HDAC9: variants seen among roughly 807,000 people sequenced by gnomAD.
HDAC9 encodes histone deacetylase 9.
HDAC9 carries 41 observed loss-of-function variants against 139.4 expected under a neutral mutation model. That is an observed-to-expected ratio of 0.29 (90% CI 0.23 to 0.38). The LOEUF is 0.38. Ranked by LOEUF, HDAC9 falls within the 10% of genes least tolerant of loss-of-function variation. The pLI, the probability that HDAC9 is intolerant of heterozygous loss-of-function variation, is 1.00. For synonymous variants in HDAC9, 517 were observed against 476.2 expected (o/e 1.09, Z -1.12); for missense variants, 1,147 against 1,297.0 (o/e 0.88, Z 1.78).
At chr7:18,779,836 A>T in intron 16 of HDAC9, among the ~76,000 whole-genome samples, 1 of 152,010 alleles carries the variant, frequency 6.6e-6, no homozygotes, top group East Asian at 1.9e-4. Context: ...TGCAACCCTG[A>T]GGTCTCCACC....
At chr7:18,593,450 T>C (rs1184320806) in intron 5 of HDAC9, among the ~76,000 whole-genome samples, 1 of 152,102 alleles carries the variant, frequency 6.6e-6, no homozygotes, top group Non-Finnish European at 1.5e-5. Flanking sequence ...AATCCTGTCT[T>C]TTCAGTAAAA....
intron 16 of HDAC9, among the ~76,000 whole-genome samples, chr7:18,782,291 T>C (rs1011858462): frequency 6.6e-6 from 1 of 152,068 alleles, no homozygotes; most frequent in African/African-American, 2.4e-5. Context: ...ATGGGCACAA[T>C]AGTATTATAT....
chr7:18,811,195 A>G (rs1794146448), intron 17 of HDAC9, among the ~76,000 whole-genome samples: 1 of 151,732 alleles, frequency 6.6e-6, no homozygotes, highest in South Asian at 2.1e-4. Context: ...ATCTTCTACC[A>G]GCCTTTAGTT....
intron 2 of HDAC9, among the ~76,000 whole-genome samples, chr7:18,581,809 A>G (rs879333497): frequency 3.9e-5 from 6 of 152,204 alleles, no homozygotes; most frequent in Admixed American, 3.9e-4. Flanking sequence ...CAATTAAGAG[A>G]TCTTACAGGC....
intron 12 of HDAC9, among the ~76,000 whole-genome samples, chr7:18,706,311 C>T (rs919400646): frequency 7.2e-5 from 11 of 151,862 alleles, no homozygotes; most frequent in African/African-American, 2.4e-4. Context: ...ATTGTAAGCA[C>T]CCTGAGGTTA....
chr7:18,141,716 C>T lies in HDAC9; in HGVS notation c.-96-20513C>T, dbSNP rs184720946. Among the ~76,000 whole-genome samples the T allele has an allele frequency of 3.1e-3, 467 of 152,186 alleles. 1 individual carries two copies. The highest frequency in any genetic ancestry group is 7.1e-3 in the Admixed American group (108 of 15,282). On this transcript the variant is annotated intron_variant, in intron 1 of 12. Coordinates refer to the HDAC9 transcript ENST00000417496. ...TTTTTTTAACCTCTTTTCATTTCCA[C>T]ATGTCTGTTATTCTTAGTGACTTGT...
chr7:18,800,852 T>C (rs955308352), intron 17 of HDAC9, among the ~76,000 whole-genome samples: 98 of 151,982 alleles, frequency 6.4e-4, no homozygotes, highest in African/African-American at 2.3e-3. Context: ...ATAATAATAA[T>C]AATAATTTCT....
chr7:18,445,470 T>G (rs961486516), intron 1 of HDAC9, among the ~76,000 whole-genome samples: 1 of 152,254 alleles, frequency 6.6e-6, no homozygotes, highest in Admixed American at 6.5e-5. Flanking sequence ...GTCAAAGTAC[T>G]CAAAATTTAA....
chr7:18,195,641 C>T (rs757298248), intron 2 of HDAC9, among the ~76,000 whole-genome samples: 3 of 152,160 alleles, frequency 2.0e-5, no homozygotes, highest in Non-Finnish European at 4.4e-5. Context: ...CATGCTTCAG[C>T]CGGGCCTGCT....
chr7:18,451,052 G>A (rs1792768369), intron 1 of HDAC9, among the ~76,000 whole-genome samples: 1 of 152,132 alleles, frequency 6.6e-6, no homozygotes, highest in South Asian at 2.1e-4. Context: ...AGTCACCATT[G>A]TGGTGGTATT....
intron 1 of HDAC9, among the ~76,000 whole-genome samples, chr7:18,338,167 G>A (rs1585242395): frequency 6.6e-6 from 1 of 151,700 alleles, no homozygotes; most frequent in African/African-American, 2.4e-5. Flanking sequence ...GAAATAGAAT[G>A]TGCACAGGCT....
At chr7:18,484,020 C>T (rs1012798971) in intron 1 of HDAC9, among the ~76,000 whole-genome samples, 1 of 151,824 alleles carries the variant, frequency 6.6e-6, no homozygotes, top group Non-Finnish European at 1.5e-5. Context: ...AAAAAGGGTA[C>T]TTTAGTTTTA....
chr7:18,179,663 A>G (rs914741338), intron 2 of HDAC9, among the ~76,000 whole-genome samples: 5 of 152,210 alleles, frequency 3.3e-5, no homozygotes, highest in Admixed American at 2.6e-4. Flanking sequence ...CTGTTTATCT[A>G]TTAATGAGAA....
intron 2 of HDAC9, among the ~76,000 whole-genome samples, chr7:18,209,161 T>G (rs1326341767): frequency 6.6e-6 from 1 of 152,214 alleles, no homozygotes; most frequent in South Asian, 2.1e-4. Context: ...ACTTTTCTGG[T>G]TTTGTGACCT....
Position 18,455,605 on chromosome 7 carries a change from A to G in HDAC9, c.-41-40657A>G, listed in dbSNP as rs543899131. ...TTTTTATTTAATCATTTTCCAAAGGATGGATTGAAGCACAAAATCTGTTGC... is the reference window on the plus strand; with the variant it reads ...TTTTTATTTAATCATTTTCCAAAGGGTGGATTGAAGCACAAAATCTGTTGC... On this transcript the variant is annotated intron_variant, in intron 1 of 3. Coordinates refer to the HDAC9 transcript ENST00000413509. Among the ~76,000 whole-genome samples, 6 of 152,258 alleles carry G rather than the reference A, an allele frequency of 3.9e-5. 1 individual carries two copies. Among genetic ancestry groups the G allele is most frequent in the South Asian group, 2.1e-4 (1 of 4,826 alleles).
chr7:18,656,406 C>T (rs1018411902), intron 11 of HDAC9, among the ~76,000 whole-genome samples: 1 of 152,076 alleles, frequency 6.6e-6, no homozygotes, highest in Non-Finnish European at 1.5e-5. Context: ...CATGTTCTTT[C>T]CCTTGAGTGG....
intron 2 of HDAC9, among the ~76,000 whole-genome samples, chr7:18,232,526 A>G (rs567341634): frequency 6.6e-6 from 1 of 152,066 alleles, no homozygotes; most frequent in African/African-American, 2.4e-5. Context: ...GCGCCTCAAA[A>G]TTTACTTTTC....
intron 1 of HDAC9, among the ~76,000 whole-genome samples, chr7:18,464,668 T>C (rs1794121596): frequency 6.6e-6 from 1 of 152,054 alleles, no homozygotes; most frequent in Admixed American, 6.6e-5. Context: ...CTATACTGGA[T>C]CAATTTAATC....
chr7:18,784,849 A>T (rs537124069), intron 16 of HDAC9, among the ~76,000 whole-genome samples: 5 of 152,002 alleles, frequency 3.3e-5, no homozygotes, highest in Non-Finnish European at 5.9e-5. Context: ...CAGACTTTCC[A>T]TGTACTCCCA....
Sources: allele counts gnomAD v4.1 joint callset (sites outside exome capture counted in the v4.1 genomes callset), GRCh38; gene constraint gnomAD v4.1.1; transcripts MANE v1.5; gene names NCBI Gene and HGNC (gene_info 2026-07-23, HGNC 2026-07-21).